CDYL2: variants seen among roughly 807,000 people sequenced by gnomAD.
The protein encoded by CDYL2 is chromodomain Y-like protein 2.
In CDYL2, 23 loss-of-function variants were observed where a neutral mutation model predicts 49.4. That is an observed-to-expected ratio of 0.47 (90% CI 0.34 to 0.66). CDYL2 has a LOEUF of 0.66. CDYL2 is among the 30% of genes least tolerant of loss of function. CDYL2 has a pLI of 0.01. For missense variants in CDYL2, 678 were observed against 656.4 expected, an observed-to-expected ratio of 1.03 and a Z score of -0.36; for synonymous variants, 360 against 268.8, an observed-to-expected ratio of 1.34 and a Z score of -3.32.
intron 1 of CDYL2, among the ~76,000 whole-genome samples, chr16:80,748,122 A>AAATAATAATAATAAT (rs71143647): frequency 2.2e-5 from 3 of 136,018 alleles, no homozygotes; most frequent in Non-Finnish European, 3.1e-5. Context: ...TGGGAAGATT[A>AAATAATAATAATAAT]AATAATAATA....
intron 2 of CDYL2, among the ~76,000 whole-genome samples, chr16:80,663,349 C>T (rs150250185): frequency 6.6e-6 from 1 of 151,958 alleles, no homozygotes; most frequent in East Asian, 1.9e-4. Context: ...GAACCAAAAG[C>T]CCCTAGTCCC....
chr16:80,703,307 A>T (rs938468423), intron 1 of CDYL2, among the ~76,000 whole-genome samples: 2 of 152,206 alleles, frequency 1.3e-5, no homozygotes, highest in South Asian at 2.1e-4. Flanking sequence ...TTACCTCCAC[A>T]ACTAGACTGT....
At chr16:80,645,954 G>A (rs866259222) in intron 2 of CDYL2, among the ~76,000 whole-genome samples, 3 of 131,280 alleles carry the variant, frequency 2.3e-5, no homozygotes, top group African/African-American at 2.9e-5. Flanking sequence ...TTGGACACAG[G>A]AAGGGGAACA....
intron 1 of CDYL2, among the ~76,000 whole-genome samples, chr16:80,746,377 C>A (rs977477597): frequency 5.9e-5 from 9 of 152,300 alleles, no homozygotes; most frequent in Middle Eastern, 3.4e-3. Context: ...AAAAAGGCTT[C>A]TTTAGACAAG....
At chr16:80,736,104 C>G (rs886983386) in intron 1 of CDYL2, among the ~76,000 whole-genome samples, 1 of 152,268 alleles carries the variant, frequency 6.6e-6, no homozygotes, top group Non-Finnish European at 1.5e-5. Flanking sequence ...CCAGCTGTCA[C>G]AGCTGGCCAC....
chr16:80,717,039 T>C (rs1394629029), intron 1 of CDYL2, among the ~76,000 whole-genome samples: 1 of 149,440 alleles, frequency 6.7e-6, no homozygotes, highest in Non-Finnish European at 1.5e-5. Flanking sequence ...GATGGATGGA[T>C]GCACGGATGG....
intron 2 of CDYL2, among the ~76,000 whole-genome samples, chr16:80,681,863 C>G (rs1422024802): frequency 6.6e-6 from 1 of 152,202 alleles, no homozygotes. Context: ...ATACCTATCT[C>G]TTCATTACTC....
At chr16:80,669,867 C>G (rs1597161036) in intron 2 of CDYL2, among the ~76,000 whole-genome samples, 1 of 152,216 alleles carries the variant, frequency 6.6e-6, no homozygotes, top group Non-Finnish European at 1.5e-5. Flanking sequence ...AGTGAGTGCA[C>G]ACCATGAGGG....
chr16:80,762,636 G>A (rs940871756), intron 1 of CDYL2, among the ~76,000 whole-genome samples: 1 of 152,290 alleles, frequency 6.6e-6, no homozygotes, highest in East Asian at 1.9e-4. Context: ...TTCACCTACT[G>A]TCTATAAAGT....
chr16:80,690,193 G>C (rs1910359452), intron 1 of CDYL2, among the ~76,000 whole-genome samples: 2 of 152,026 alleles, frequency 1.3e-5, no homozygotes, highest in Non-Finnish European at 2.9e-5. Flanking sequence ...AGAGGAAGGT[G>C]CTGTGAGAAA....
intron 1 of CDYL2, among the ~76,000 whole-genome samples, chr16:80,751,835 G>A (rs766675904): frequency 2.6e-5 from 4 of 152,104 alleles, no homozygotes; most frequent in South Asian, 4.1e-4. Context: ...ACTGAAAACC[G>A]GCTTCCGTCT....
chr16:80,793,297 G>A (rs1192180787), intron 1 of CDYL2, among the ~76,000 whole-genome samples: 1 of 152,150 alleles, frequency 6.6e-6, no homozygotes, highest in African/African-American at 2.4e-5. Context: ...AACAGAGAAT[G>A]GCCACTCTCA....
In CDYL2 at chr16:80,745,565, A is replaced by G. The variant is rs886546466; in HGVS notation, c.24+58585T>C. ...CTTCATGGAGTTGGTGTGAGGATTA[A>G]AACACTTCAAATGATGGCTGTGTAC... is the stretch of plus-strand genomic sequence containing the variant. On this transcript the variant is annotated intron_variant, in intron 1 of 6. Coordinates refer to ENST00000570137, the MANE Select transcript of CDYL2 (RefSeq NM_152342.4). Among the ~76,000 whole-genome samples, 4 of 152,168 alleles carry G rather than the reference A, an allele frequency of 2.6e-5. No homozygotes were observed. The South Asian group carries it at 8.3e-4, about 32-fold the overall frequency.
chr16:80,673,216 A>G (rs545254818), intron 2 of CDYL2, among the ~76,000 whole-genome samples: 1 of 152,250 alleles, frequency 6.6e-6, no homozygotes, highest in East Asian at 1.9e-4. Flanking sequence ...CCTACTCAGG[A>G]GGCAGAGGCA....
chr16:80,657,724 T>A (rs1908870289), intron 2 of CDYL2, among the ~76,000 whole-genome samples: 1 of 152,108 alleles, frequency 6.6e-6, no homozygotes, highest in South Asian at 2.1e-4. Flanking sequence ...ACAAGTGTGA[T>A]GGGAAGAAAT....
chr16:80,712,105 A>G (rs1272066108), intron 1 of CDYL2, among the ~76,000 whole-genome samples: 1 of 147,254 alleles, frequency 6.8e-6, no homozygotes, highest in East Asian at 2.0e-4. Context: ...ATATGTGTAT[A>G]TATGTGTATA....
intron 2 of CDYL2, chr16:80,639,839 A>T: frequency 2.4e-6 from 1 of 416,288 alleles, no homozygotes; most frequent in South Asian, 1.8e-5. Flanking sequence ...GAGGCATTGA[A>T]CTCACTGTTG....
At chr16:80,661,382 A>T (rs1397243941) in intron 2 of CDYL2, among the ~76,000 whole-genome samples, 1 of 152,192 alleles carries the variant, frequency 6.6e-6, no homozygotes, top group Non-Finnish European at 1.5e-5. Context: ...ACTTTGGCAT[A>T]TTCCCCAGAG....
chr16:80,653,849 G>C (rs1908690334), intron 2 of CDYL2, among the ~76,000 whole-genome samples: 1 of 152,184 alleles, frequency 6.6e-6, no homozygotes, highest in Non-Finnish European at 1.5e-5. Flanking sequence ...GTGTACACAG[G>C]GATCATGGGA....
Sources: allele counts gnomAD v4.1 joint callset (sites outside exome capture counted in the v4.1 genomes callset), GRCh38; gene constraint gnomAD v4.1.1; transcripts MANE v1.5; gene names NCBI Gene and HGNC (gene_info 2026-07-23, HGNC 2026-07-21).